WDR27: variants seen among roughly 807,000 people sequenced by gnomAD.
WDR27 encodes WD repeat domain 27.
Under a neutral mutation model 114.4 loss-of-function variants are expected in WDR27, and 100 were observed. The observed-to-expected ratio is 0.87, with a 90% CI of 0.74 to 1.03. WDR27 has a LOEUF of 1.03. Ranked by LOEUF, WDR27 falls within the 50% of genes least tolerant of loss-of-function variation. WDR27 has a pLI of 0.00. For synonymous variants in WDR27, 449 were observed against 423.1 expected (o/e 1.06, Z -0.75); for missense variants, 1,129 against 1,092.9 (o/e 1.03, Z -0.47).
rs1818248857 is a variant in WDR27, at chr6:169,638,347, A to AAG, written c.1869+191_1869+192insCT. On this transcript the variant is annotated intron_variant, in intron 18 of 25. Coordinates refer to ENST00000448612, the MANE Select transcript of WDR27 (RefSeq NM_182552.5). The stretch of plus-strand genomic sequence containing the variant: ...CAAAAAAAAAAAAAAAAAAAAAAAA[A>AAG]AAAAGAAACTAATCAATAACTGTTA... 1.3e-4 allele frequency among the ~76,000 whole-genome samples: 10 copies of AAG among 78,248 alleles called. 2 individuals carry two copies. Among genetic ancestry groups the AAG allele is most frequent in the Non-Finnish European group, 2.4e-4 (10 of 40,866 alleles). 51.3% of individuals were successfully genotyped at this position (78,248 alleles called of 152,430 possible). A position where few individuals can be genotyped will look rare whatever the true frequency, so the allele number is the denominator to read the frequency against.
intron 13 of WDR27, among the ~76,000 whole-genome samples, chr6:169,652,927 GGAGT>G (rs1823001328): frequency 6.6e-6 from 1 of 152,166 alleles, no homozygotes; most frequent in African/African-American, 2.4e-5. Flanking sequence ...CCACTTTTAA[GGAGT>G]GATCTAAATG....
At chr6:169,473,430 A>T (rs776029724) in intron 25 of WDR27, among the ~76,000 whole-genome samples, 3 of 151,992 alleles carry the variant, frequency 2.0e-5, no homozygotes, top group Non-Finnish European at 2.9e-5. Context: ...TTTTAAAGAG[A>T]TTTTTAAAGA....
At chr6:169,456,802 T>C (rs1255104052), downstream of WDR27, among the ~76,000 whole-genome samples, 1 of 143,836 alleles carries the variant, frequency 7.0e-6, no homozygotes, top group Admixed American at 7.0e-5. This position sits in a 1 kb window ranked among gnomAD's most constrained non-coding sequence, Gnocchi z 4.0. Context: ...ACAGAACCCA[T>C]GTGCAGAGCC....
intron 25 of WDR27, among the ~76,000 whole-genome samples, chr6:169,570,604 G>A (rs947767965): frequency 5.3e-5 from 8 of 152,172 alleles, no homozygotes; most frequent in African/African-American, 1.7e-4. Flanking sequence ...CTAGGCGGGC[G>A]GATCACCTGA....
At chr6:169,635,257 C>T (rs759473884) in intron 19 of WDR27, among the ~76,000 whole-genome samples, 72 of 151,964 alleles carry the variant, frequency 4.7e-4, no homozygotes, top group South Asian at 4.0e-3. Context: ...GGAAGGGGGG[C>T]GCCTGTAATC....
At chr6:169,566,218 C>T (rs1800464194) in intron 25 of WDR27, among the ~76,000 whole-genome samples, 1 of 152,172 alleles carries the variant, frequency 6.6e-6, no homozygotes, top group East Asian at 1.9e-4. Flanking sequence ...ACAATAGCAC[C>T]ACTAGACAAA....
Position 169,684,564 on chromosome 6 carries a change from A to G in WDR27, c.189+4253T>C, listed in dbSNP as rs1782410309. On this transcript the variant is annotated intron_variant, in intron 2 of 25. Coordinates refer to ENST00000448612, the MANE Select transcript of WDR27 (RefSeq NM_182552.5). The surrounding 1 kb of genome is among the most constrained non-coding windows in gnomAD (Gnocchi z 4.3). ...AGCCCTGTTCCCATGTCCTGGGCCT[A>G]TAGTAGCCCTGTGCCCACACCCAGG... 1.3e-5 allele frequency among the ~76,000 whole-genome samples: 2 copies of G among 152,094 alleles called. No individual in the cohort carries two copies. The highest frequency in any genetic ancestry group is 6.5e-5 in the Admixed American group (1 of 15,278).
intron 25 of WDR27, among the ~76,000 whole-genome samples, chr6:169,527,891 T>C (rs1795131361): frequency 6.6e-6 from 1 of 152,198 alleles, no homozygotes; most frequent in South Asian, 2.1e-4. Flanking sequence ...TCAAAATTGA[T>C]AGACTGGCTT....
chr6:169,475,520 GCCTCTTCTA>G (rs1787026988), intron 25 of WDR27, among the ~76,000 whole-genome samples: 1 of 152,138 alleles, frequency 6.6e-6, no homozygotes, highest in Non-Finnish European at 1.5e-5. Flanking sequence ...ACTGCATCTG[GCCTCTTCTA>G]CTTACTTATA....
intron 1 of WDR27, among the ~76,000 whole-genome samples, chr6:169,690,853 G>C (rs565958010): frequency 5.3e-5 from 8 of 152,284 alleles, no homozygotes; most frequent in South Asian, 4.1e-4. Flanking sequence ...CTGTGTGCAG[G>C]GGGGAGCAGA....
At chr6:169,426,840 C>G in the WDR27 span, 4 of 153,232 alleles carry the variant, frequency 2.6e-5, no homozygotes, top group African/African-American at 9.6e-5. Flanking sequence ...CCACTCAGCA[C>G]CTGCCTGCTG....
intron 20 of WDR27, among the ~76,000 whole-genome samples, chr6:169,633,444 T>A (rs1032941165): frequency 6.6e-6 from 1 of 152,212 alleles, no homozygotes; most frequent in Non-Finnish European, 1.5e-5. Flanking sequence ...AGGGCTGGAC[T>A]AAGATTAGAC....
intron 22 of WDR27, among the ~76,000 whole-genome samples, chr6:169,604,680 C>G (rs1368756161): frequency 6.6e-6 from 1 of 151,992 alleles, no homozygotes. Flanking sequence ...CCCTGATGAA[C>G]ATAAAAACAA....
chr6:169,520,302 G>C (rs939663066), intron 25 of WDR27, among the ~76,000 whole-genome samples: 4 of 152,098 alleles, frequency 2.6e-5, no homozygotes, highest in Non-Finnish European at 5.9e-5. Flanking sequence ...CTAGAACTGA[G>C]GCAAACCTGA....
chr6:169,435,646 C>T, the WDR27 span, among the ~76,000 whole-genome samples: 50 of 152,238 alleles, frequency 3.3e-4, no homozygotes, highest in African/African-American at 1.0e-3. Flanking sequence ...TTACCGGTTT[C>T]TTCCATTTGG....
At position 169,662,930 on chromosome 6, in the gene WDR27, A is replaced by G. The variant is rs548439791; in HGVS notation, c.905-506T>C. Among the ~76,000 whole-genome samples, 205 of 146,362 alleles carry G rather than the reference A, an allele frequency of 1.4e-3. 1 individual carries two copies. Among genetic ancestry groups the G allele is most frequent in the African/African-American group, 4.9e-3 (194 of 39,624 alleles). On this transcript the variant is annotated intron_variant, in intron 8 of 25. Transcript: ENST00000448612. ...CCAGCATGATGCGTGTGCACCGCGG[A>G]GCATTCAGATCACGCGTCAAGGAAA... is the stretch of plus-strand genomic sequence containing the variant.
chr6:169,501,254 G>A (rs980137205), intron 25 of WDR27, among the ~76,000 whole-genome samples: 5 of 152,184 alleles, frequency 3.3e-5, no homozygotes, highest in Admixed American at 1.3e-4. Context: ...AGAGTGGCCC[G>A]GCAGGGAGCC....
chr6:169,568,485 ACTT>A (rs1428688828), intron 25 of WDR27, among the ~76,000 whole-genome samples: 1 of 152,186 alleles, frequency 6.6e-6, no homozygotes, highest in Non-Finnish European at 1.5e-5. Context: ...TGCACTCACT[ACTT>A]CAAGTCACTA....
chr6:169,593,876 CAAA>C (rs77108663), intron 23 of WDR27, among the ~76,000 whole-genome samples: 24 of 37,460 alleles, frequency 6.4e-4, no homozygotes, highest in East Asian at 2.5e-3. Flanking sequence ...AACAAACAAA[CAAA>C]AAACAAAAAA....
Sources: allele counts gnomAD v4.1 joint callset (sites outside exome capture counted in the v4.1 genomes callset), GRCh38; gene constraint gnomAD v4.1.1; non-coding constraint Gnocchi (gnomAD v3.1); transcripts MANE v1.5; gene names NCBI Gene and HGNC (gene_info 2026-07-23, HGNC 2026-07-21).